OXR1: variants seen among roughly 807,000 people sequenced by gnomAD.
OXR1 encodes the protein oxidation resistance protein 1.
A neutral mutation model predicts 104.6 loss-of-function variants in OXR1; 41 were observed. The ratio of observed to expected loss-of-function variants is 0.39; its 90% CI spans 0.31 to 0.51. The LOEUF (loss-of-function observed/expected upper bound fraction) is 0.51. Among genes scored for constraint, OXR1 ranks in the 20% least tolerant of loss-of-function variants. The pLI, the probability that OXR1 is intolerant of heterozygous loss-of-function variation, is 0.77. For missense variants in OXR1, 955 were observed against 1,031.9 expected, an observed-to-expected ratio of 0.93 and a Z score of 1.02; for synonymous variants, 348 against 348.4, an observed-to-expected ratio of 1.00 and a Z score of 0.01.
At chr8:106,337,016 G>C (rs1005094065) in intron 1 of OXR1, among the ~76,000 whole-genome samples, 1 of 152,128 alleles carries the variant, frequency 6.6e-6, no homozygotes, top group Non-Finnish European at 1.5e-5. Flanking sequence ...GTAACATCAA[G>C]CAGCTATGCT....
chr8:106,579,317 GC>G (rs1360533110), intron 3 of OXR1, among the ~76,000 whole-genome samples: 1 of 152,094 alleles, frequency 6.6e-6, no homozygotes, highest in Admixed American at 6.6e-5. Flanking sequence ...TCCCTGATTT[GC>G]CTCAAACTTC....
At chr8:106,419,671 C>A (rs146487516) in intron 2 of OXR1, among the ~76,000 whole-genome samples, 2 of 152,110 alleles carry the variant, frequency 1.3e-5, no homozygotes, top group African/African-American at 4.8e-5. Flanking sequence ...GGGAGACAGG[C>A]TTTTAGTTTC....
At chr8:106,371,587 C>T (rs1451990986) in intron 2 of OXR1, among the ~76,000 whole-genome samples, 2 of 152,146 alleles carry the variant, frequency 1.3e-5, no homozygotes, top group South Asian at 4.1e-4. Flanking sequence ...GATTCTGCTA[C>T]GTTGTCTCTT....
rs139843300 is a variant in OXR1 at position 106,594,415 on chromosome 8, C to G, written c.220+75276C>G. On this transcript the variant is annotated intron_variant, in intron 3 of 16. Coordinates refer to ENST00000517566, the MANE Select transcript of OXR1 (RefSeq NM_001198533.2). ...ATAAGTGGTCCTAAAACCAGCAAAG[C>G]TGGGGATAGTCCTCTTTGTTACATG... 9.6e-4 allele frequency among the ~76,000 whole-genome samples: 146 copies of G among 152,240 alleles called. 1 individual carries two copies. The highest frequency in any genetic ancestry group is 3.3e-3 in the African/African-American group (137 of 41,536).
intron 2 of OXR1, among the ~76,000 whole-genome samples, chr8:106,465,168 T>G (rs776242465): frequency 7.2e-5 from 11 of 151,896 alleles, no homozygotes; most frequent in Non-Finnish European, 1.5e-4. Flanking sequence ...TGATTTGGGA[T>G]CGATACTGGA....
At chr8:106,740,691 C>T (rs886574448) in intron 14 of OXR1, among the ~76,000 whole-genome samples, 196 bp downstream of exon 14, 1 of 152,008 alleles carries the variant, frequency 6.6e-6, no homozygotes, top group African/African-American at 2.4e-5. Flanking sequence ...GAATTACTGC[C>T]TTCAAAGGGA....
rs575023055 is a variant in OXR1 at position 106,661,647 on chromosome 8, A to G, written c.221-17563A>G. Among the ~76,000 whole-genome samples the G allele has an allele frequency of 2.6e-5, 4 of 152,302 alleles. No individual in the cohort carries two copies. The East Asian group carries it at 5.8e-4, about 22-fold the overall frequency. On this transcript the variant is annotated intron_variant, in intron 3 of 16. Coordinates refer to ENST00000517566, the MANE Select transcript of OXR1 (RefSeq NM_001198533.2). Reference sequence around the variant, plus strand: ...ACTCTCAACTTACTGTCGTATAAACATGAAATCGTTTTTATCATAAGCGTC... The same window carrying G: ...ACTCTCAACTTACTGTCGTATAAACGTGAAATCGTTTTTATCATAAGCGTC...
chr8:106,304,014 C>T (rs2130102518), intron 1 of OXR1, among the ~76,000 whole-genome samples: 1 of 152,258 alleles, frequency 6.6e-6, no homozygotes, highest in Middle Eastern at 3.4e-3. Context: ...TAATTACTTT[C>T]ACAGGAAAAT....
chr8:106,724,995 T>C (rs569473637), intron 11 of OXR1, among the ~76,000 whole-genome samples: 1 of 152,284 alleles, frequency 6.6e-6, no homozygotes, highest in East Asian at 1.9e-4. Flanking sequence ...AATTATATAA[T>C]ATTGCTGATG....
Position 106,739,367 on chromosome 8 carries a change from G to A in OXR1, c.2038-91G>A, listed in dbSNP as rs183882173. 3.0e-3 allele frequency: 3,457 copies of A among 1,140,076 alleles called. 9 individuals carry two copies. Among genetic ancestry groups the A allele is most frequent in the Non-Finnish European group, 3.8e-3 (2,984 of 793,694 alleles). 70.6% of individuals were successfully genotyped at this position (1,140,076 alleles called of 1,614,324 possible). On this transcript the variant is annotated intron_variant, in intron 12 of 16. Coordinates refer to ENST00000517566, the MANE Select transcript of OXR1 (RefSeq NM_001198533.2). ...TTAAAGATTTAGCCACATTTTCTAC[G>A]ATATAAAGCTTTATTTATCTGAAAA...
At chr8:106,612,157 T>C (rs909958555) in intron 3 of OXR1, among the ~76,000 whole-genome samples, 6 of 152,120 alleles carry the variant, frequency 3.9e-5, no homozygotes, top group African/African-American at 1.4e-4. Context: ...ACCTTAAAGA[T>C]TGTCTACCTT....
chr8:106,441,511 T>C (rs921137451), intron 2 of OXR1, among the ~76,000 whole-genome samples: 3 of 152,220 alleles, frequency 2.0e-5, no homozygotes, highest in Non-Finnish European at 4.4e-5. Flanking sequence ...TTGGGCAGTA[T>C]GGCCATTTTC....
At chr8:106,577,139 A>G (rs1817895684) in intron 3 of OXR1, among the ~76,000 whole-genome samples, 1 of 152,036 alleles carries the variant, frequency 6.6e-6, no homozygotes, top group Non-Finnish European at 1.5e-5. Flanking sequence ...ATAAATTACA[A>G]TGGATATATA....
intron 7 of OXR1, among the ~76,000 whole-genome samples, chr8:106,699,246 C>T (rs774076083): frequency 6.6e-6 from 1 of 152,146 alleles, no homozygotes; most frequent in Non-Finnish European, 1.5e-5. Context: ...TTCTTCTGCT[C>T]CTTTCAAGTA....
At chr8:106,719,891 C>A (rs903948969) in intron 11 of OXR1, among the ~76,000 whole-genome samples, 2 of 152,040 alleles carry the variant, frequency 1.3e-5, no homozygotes, top group African/African-American at 4.8e-5. Context: ...CTGCAAGCTC[C>A]GCCTCCTGGA....
intron 2 of OXR1, among the ~76,000 whole-genome samples, chr8:106,405,811 T>G (rs768318422): frequency 6.6e-6 from 1 of 152,018 alleles, no homozygotes; most frequent in Admixed American, 6.6e-5. Flanking sequence ...ACCACCAAGA[T>G]GAGTTCAGCC....
intron 15 of OXR1, among the ~76,000 whole-genome samples, chr8:106,744,803 A>G (rs1835243523): frequency 6.6e-6 from 1 of 152,206 alleles, no homozygotes; most frequent in Non-Finnish European, 1.5e-5. Context: ...AATCTCAAGA[A>G]AAGGAATCAA....
At position 106,710,729 on chromosome 8, in the gene OXR1, A is replaced by G. The variant is rs779737666; in HGVS notation, c.1732A>G (p.Met578Val). 1.2e-6 allele frequency: 2 copies of G among 1,601,174 alleles called. No homozygotes were observed. Among genetic ancestry groups the G allele is most frequent in the East Asian group, 2.3e-5 (1 of 44,152 alleles). Reference protein sequence around the residue: ...KTFVSQASATMQQYAQRDKKH... With the variant: ...KTFVSQASATVQQYAQRDKKH... The stretch of plus-strand genomic sequence containing the variant: ...GTTTGTATCTCAAGCAAGTGCTACA[A>G]TGCAACAGTATGCACAGAGAGATAA... Residue 578 changes from methionine (M) to valine (V), a missense_variant, in exon 10 of 17, where the codon ATG becomes GTG. Transcript: ENST00000517566.
At chr8:106,282,957 T>C (rs1812348773) in intron 1 of OXR1, among the ~76,000 whole-genome samples, 1 of 152,234 alleles carries the variant, frequency 6.6e-6, no homozygotes, top group East Asian at 1.9e-4. Flanking sequence ...TAGAATGTAT[T>C]ATAGGTTTTA....
Sources: allele counts gnomAD v4.1 joint callset (sites outside exome capture counted in the v4.1 genomes callset), GRCh38; gene constraint gnomAD v4.1.1; transcripts MANE v1.5; gene names NCBI Gene and HGNC (gene_info 2026-07-23, HGNC 2026-07-21).